The following DEPDC1B variants were observed in gnomAD, a reference collection of about 807,000 sequenced individuals.
DEPDC1B encodes the protein DEP domain-containing protein 1B.
DEPDC1B carries 51 observed loss-of-function variants against 66.5 expected under a neutral mutation model. The ratio of observed to expected loss-of-function variants is 0.77; its 90% CI spans 0.61 to 0.97. DEPDC1B has a LOEUF of 0.97. Ranked by LOEUF, DEPDC1B falls within the 50% of genes least tolerant of loss-of-function variation. DEPDC1B has a pLI of 0.00. For synonymous variants in DEPDC1B, 226 were observed against 223.6 expected, an observed-to-expected ratio of 1.01 and a Z score of -0.10; for missense variants, 552 against 637.1, an observed-to-expected ratio of 0.87 and a Z score of 1.44.
At chr5:60,675,001 C>G (rs1754123047) in intron 2 of DEPDC1B, among the ~76,000 whole-genome samples, 1 of 152,166 alleles carries the variant, frequency 6.6e-6, no homozygotes, top group African/African-American at 2.4e-5. Flanking sequence ...GTCCTTGCTC[C>G]TGCAGTCCAC....
At chr5:60,612,999 T>C (rs1223579622) in intron 7 of DEPDC1B, among the ~76,000 whole-genome samples, 1 of 152,226 alleles carries the variant, frequency 6.6e-6, no homozygotes, top group East Asian at 1.9e-4. Flanking sequence ...AGGAGCAACA[T>C]GCTACTTTTT....
At position 60,603,567 on chromosome 5, in the gene DEPDC1B, T is replaced by A. The variant is rs780927695; in HGVS notation, c.1066A>T (p.Met356Leu). Reference protein sequence around the residue: ...LCDGFGTRTLMVQTFSRCILC... With the variant: ...LCDGFGTRTLLVQTFSRCILC... ...ATGCAACGGGAAAATGTCTGAACCA[T>A]CTAAAAAAAGAGCGGGGTGGGGGGT... Residue 356 changes from methionine (M) to leucine (L), a missense_variant and splice_region_variant, in exon 9 of 11, where the codon ATG becomes TTG. Met to Leu is a conservative substitution (Grantham distance 15). Transcript: ENST00000265036. The A allele has an allele frequency of 2.5e-6, 4 of 1,585,122 alleles. No individual in the cohort carries two copies. The highest frequency in any genetic ancestry group is 1.7e-4 in the Middle Eastern group (1 of 5,892).
In DEPDC1B at chr5:60,700,111, G is replaced by C. The variant is rs1197270494; in HGVS notation, c.-18C>G. ...TGCTCCATGGCGCGTAGGCAGCAGCGGCCGCAGCCGCGCCAGCGCTGATCC... is the reference window on the plus strand; with the variant it reads ...TGCTCCATGGCGCGTAGGCAGCAGCCGCCGCAGCCGCGCCAGCGCTGATCC... On this transcript the variant is annotated 5_prime_UTR_variant, in exon 1 of 11. Coordinates refer to ENST00000265036, the MANE Select transcript of DEPDC1B (RefSeq NM_018369.3). 3 of 1,543,830 alleles carry C rather than the reference G, an allele frequency of 1.9e-6. No homozygotes were observed. Among genetic ancestry groups the C allele is most frequent in the East Asian group, 2.5e-5 (1 of 40,716 alleles).
At chr5:60,700,025 G>A in intron 1 of DEPDC1B, 21 bp downstream of exon 1, 1 of 1,550,464 alleles carries the variant, frequency 6.4e-7, no homozygotes, top group Non-Finnish European at 8.7e-7. Flanking sequence ...GCTCCGCCCA[G>A]GCCCCAGCAC....
At chr5:60,633,584 C>A (rs984099126) in intron 7 of DEPDC1B, among the ~76,000 whole-genome samples, 2 of 152,196 alleles carry the variant, frequency 1.3e-5, no homozygotes, top group African/African-American at 4.8e-5. Flanking sequence ...CAGCCAACCT[C>A]CAGACCTGGG....
At chr5:60,641,630 G>A (rs1753194921) in intron 6 of DEPDC1B, among the ~76,000 whole-genome samples, 1 of 151,988 alleles carries the variant, frequency 6.6e-6, no homozygotes, top group African/African-American at 2.4e-5. Flanking sequence ...CTGGCCTGAT[G>A]AACTTCTAAA....
At chr5:60,671,394 C>T (rs538797014) in intron 2 of DEPDC1B, among the ~76,000 whole-genome samples, 1 of 152,356 alleles carries the variant, frequency 6.6e-6, no homozygotes, top group East Asian at 1.9e-4. Context: ...AAGCCAACAG[C>T]TCCCAGCTGC....
intron 1 of DEPDC1B, among the ~76,000 whole-genome samples, chr5:60,691,055 C>CT (rs58826050): frequency 0.023 from 3,264 of 139,276 alleles, 127 homozygotes; most frequent in African/African-American, 0.078. Context: ...ACTTTTTCTA[C>CT]TTTTTTTTTT....
At chr5:60,626,068 A>T (rs1752804011) in intron 7 of DEPDC1B, among the ~76,000 whole-genome samples, 1 of 151,990 alleles carries the variant, frequency 6.6e-6, no homozygotes, top group Admixed American at 6.6e-5. Context: ...TCACTAAGTT[A>T]TACCCATCCC....
At chr5:60,645,718 G>T in intron 3 of DEPDC1B, 99 bp from the exon 4 acceptor site, 4 of 1,286,964 alleles carry the variant, frequency 3.1e-6, no homozygotes, top group Non-Finnish European at 4.2e-6. Context: ...TATGAGAAAT[G>T]TCTTTGATTT....
chr5:60,632,295 C>A (rs555168598), intron 7 of DEPDC1B, among the ~76,000 whole-genome samples: 6 of 152,170 alleles, frequency 3.9e-5, no homozygotes, highest in African/African-American at 1.2e-4. Flanking sequence ...ACTCCTCACC[C>A]CAAATCGGCT....
chr5:60,636,472 G>A (rs547239791), intron 7 of DEPDC1B, among the ~76,000 whole-genome samples: 8 of 152,200 alleles, frequency 5.3e-5, no homozygotes, highest in East Asian at 3.9e-4. Context: ...TAGCTTCTCC[G>A]CAAAGTAGAC....
chr5:60,620,394 A>G (rs1303860863), intron 7 of DEPDC1B, among the ~76,000 whole-genome samples: 1 of 152,242 alleles, frequency 6.6e-6, no homozygotes, highest in East Asian at 1.9e-4. Flanking sequence ...TATTCATCTG[A>G]CAAAGGGCTA....
chr5:60,618,583 A>G (rs1412329642), intron 7 of DEPDC1B, among the ~76,000 whole-genome samples: 3 of 152,210 alleles, frequency 2.0e-5, no homozygotes, highest in Non-Finnish European at 2.9e-5. Context: ...CCAAAACTAA[A>G]CCAGGAAGAA....
In DEPDC1B at chr5:60,599,174, T is replaced by C. The variant is rs1752153572; in HGVS notation, c.1329A>G (p.Gln443=). ...GAGGTTCCTGAGAGCCATATGATCT[T>C]TGATATTCAAATTCCTCTGGACTAA... The part of the protein sequence containing the change: ...RQISPEEFEY[Q]RSYGSQEPLA... Residue 443 remains glutamine, a synonymous_variant, in exon 10 of 11, where the codon CAA becomes CAG. Transcript: ENST00000265036. 2 of 1,613,582 alleles carry C rather than the reference T, an allele frequency of 1.2e-6. No individual in the cohort carries two copies. The highest frequency in any genetic ancestry group is 2.2e-5 in the South Asian group (2 of 91,020).
chr5:60,696,548 T>C (rs1348009969), intron 1 of DEPDC1B, among the ~76,000 whole-genome samples: 1 of 152,158 alleles, frequency 6.6e-6, no homozygotes, highest in African/African-American at 2.4e-5. Flanking sequence ...AATCTAACAA[T>C]ATACCATTCT....
At chr5:60,695,704 C>T (rs6896680) in intron 1 of DEPDC1B, among the ~76,000 whole-genome samples, 114,500 of 152,224 alleles carry the variant, frequency 0.75, 44,219 homozygotes, top group African/African-American at 0.94. Context: ...CTGTGTAATA[C>T]CATACAGTTG....
chr5:60,653,358 T>C (rs1377398032), intron 2 of DEPDC1B, among the ~76,000 whole-genome samples: 1 of 150,928 alleles, frequency 6.6e-6, no homozygotes, highest in East Asian at 2.0e-4. Flanking sequence ...TTAGTAATGT[T>C]GACCATTTTT....
rs777340394 is a variant in DEPDC1B, at chr5:60,642,813, A to G, written c.756T>C (p.Asn252=). ...AACTGGCAGATAATTAGTACTTACA[A>G]TTTGCCAAACACTTCATAGCTGACA... ...WVLSAMKCLA[N]WPNCSDLKQP... The change falls in exon 6 of 11, where the codon AAT becomes AAC. Residue 252 remains asparagine, a splice_region_variant and synonymous_variant. Coordinates refer to ENST00000265036, the MANE Select transcript of DEPDC1B (RefSeq NM_018369.3). The G allele has an allele frequency of 6.2e-7, 1 of 1,608,938 alleles. No individual in the cohort carries two copies. Among genetic ancestry groups the G allele is most frequent in the South Asian group, 1.1e-5 (1 of 89,544 alleles).
Sources: allele counts gnomAD v4.1 joint callset (sites outside exome capture counted in the v4.1 genomes callset), GRCh38; gene constraint gnomAD v4.1.1; transcripts MANE v1.5; gene names NCBI Gene and HGNC (gene_info 2026-07-23, HGNC 2026-07-21).